The following SLC46A2 variants were observed in gnomAD, a reference collection of about 807,000 sequenced individuals.
The protein encoded by SLC46A2 is solute carrier family 46 member 2.
SLC46A2 carries 25 observed loss-of-function variants against 33.1 expected under a neutral mutation model. The ratio of observed to expected loss-of-function variants is 0.76; its 90% CI spans 0.55 to 1.06. The LOEUF is 1.06. SLC46A2 is among the 50% of genes least tolerant of loss of function. SLC46A2 has a pLI of 0.00. For synonymous variants in SLC46A2, 254 were observed against 275.9 expected (o/e 0.92, Z 0.79); for missense variants, 622 against 621.7 (o/e 1.00, Z 0.00).
At position 112,890,013 on chromosome 9, in the gene SLC46A2, GC is replaced by G; in HGVS notation, c.668del (p.Ser223ThrfsTer5). 2 of 1,614,106 alleles carry G rather than the reference GC, an allele frequency of 1.2e-6. No homozygotes were observed. Among genetic ancestry groups the G allele is most frequent in the South Asian group, 2.2e-5 (2 of 91,082 alleles). ...ACTCAGGGACCTTTAGCACCAAAAGGCTGTAGAGCAGGGCAAACGAGGCACA... is the reference window on the plus strand; with the variant it reads ...ACTCAGGGACCTTTAGCACCAAAAGGTGTAGAGCAGGGCAAACGAGGCACA... ...VSCASFALLYSLLVLKVPESV... is the reference protein window; with the variant it reads ...VSCASFALLYXLLVLKVPESV... On this transcript the variant is annotated frameshift_variant, in exon 1 of 4. Transcript: ENST00000374228. LOFTEE classifies it high-confidence loss of function. This position sits in a 1 kb window ranked among gnomAD's most constrained non-coding sequence, Gnocchi z 6.0.
chr9:112,889,955 C>G lies in SLC46A2; in HGVS notation c.727G>C (p.Val243Leu), dbSNP rs372621524. The change falls in exon 1 of 4, where the codon GTG becomes CTG. Residue 243 changes from valine to leucine, a missense_variant. By Grantham distance (32) the Val-to-Leu change is conservative. Transcript: ENST00000374228. ...CCAACCGTGCCAGACACGGTATCCA[C>G]GGCGGGGAGCTCCTGGCTGGGTTTG... is the stretch of plus-strand genomic sequence containing the variant. ...VAKPSQELPA[V>L]DTVSGTVGTY... The G allele has an allele frequency of 5.6e-6, 9 of 1,614,076 alleles. No homozygotes were observed. Among genetic ancestry groups the G allele is most frequent in the South Asian group, 1.1e-5 (1 of 91,090 alleles).
At chr9:112,887,907 G>C (rs1482028767) in intron 1 of SLC46A2, among the ~76,000 whole-genome samples, 1 of 149,532 alleles carries the variant, frequency 6.7e-6, no homozygotes, top group East Asian at 2.0e-4. Flanking sequence ...TGATTATCCA[G>C]ATGCAGTGTG....
rs1827218320 is a variant in SLC46A2 at position 112,890,672 on chromosome 9, C to T, written c.10G>A (p.Glu4Lys). The change falls in exon 1 of 4, where the codon GAG (glutamate) becomes AAG (lysine). Residue 4 changes from glutamate to lysine, a missense_variant. Transcript: ENST00000374228. This position sits in a 1 kb window ranked among gnomAD's most constrained non-coding sequence, Gnocchi z 6.0. ...TGGCCCCTCCGCGGGCAGGTGACCTCGGGGCTCATGTGACCTCTCTGATGG... is the reference window on the plus strand; with the variant it reads ...TGGCCCCTCCGCGGGCAGGTGACCTTGGGGCTCATGTGACCTCTCTGATGG... MSP[E>K]VTCPRRGHLP... The T allele has an allele frequency of 1.3e-6, 2 of 1,596,318 alleles. No individual in the cohort carries two copies. The highest frequency in any genetic ancestry group is 1.1e-5 in the South Asian group (1 of 90,800).
intron 1 of SLC46A2, 31 bp downstream of exon 1, chr9:112,889,522 T>C (rs747881413): frequency 6.4e-7 from 1 of 1,571,632 alleles, no homozygotes; most frequent in African/African-American, 1.4e-5. Flanking sequence ...GGGCTAGCAA[T>C]GTCCTGCCTC....
intron 3 of SLC46A2, 50 bp downstream of exon 3, chr9:112,886,410 C>T: frequency 6.2e-7 from 1 of 1,601,156 alleles, no homozygotes; most frequent in Non-Finnish European, 8.6e-7. Flanking sequence ...CATTCCTTGA[C>T]CTAAGCATCA....
chr9:112,886,718 C>G (rs915477634), intron 2 of SLC46A2, 102 bp from the exon 3 acceptor site: 15 of 531,364 alleles, frequency 2.8e-5, no homozygotes, highest in Non-Finnish European at 4.2e-5. Context: ...TTCCTTCTTA[C>G]TCTCTCTCTC....
intron 3 of SLC46A2, among the ~76,000 whole-genome samples, chr9:112,883,700 C>CTTT (rs71384287): frequency 1.4e-3 from 173 of 121,336 alleles, no homozygotes; most frequent in African/African-American, 5.1e-3. Flanking sequence ...TTTTTCTTTT[C>CTTT]TTTTTTTTTT....
At position 112,890,346 on chromosome 9, in the gene SLC46A2, C is replaced by T. The variant is rs1181992333; in HGVS notation, c.336G>A (p.Ser112=). 2 of 1,613,996 alleles carry T rather than the reference C, an allele frequency of 1.2e-6. No individual in the cohort carries two copies. The highest frequency in any genetic ancestry group is 1.1e-5 in the South Asian group (1 of 91,078). ...RYHRKISICM[S]LLGFLLSRLG... Reference sequence around the variant, plus strand: ...GGCGGGAGAGCAGGAAGCCCAGCAGCGACATGCAGATGGAGATCTTTCGGT... The same window carrying T: ...GGCGGGAGAGCAGGAAGCCCAGCAGTGACATGCAGATGGAGATCTTTCGGT... The change falls in exon 1 of 4, where the codon TCG becomes TCA. Residue 112 remains serine, a synonymous_variant. Coordinates refer to ENST00000374228, the MANE Select transcript of SLC46A2 (RefSeq NM_033051.4). The surrounding 1 kb of genome is among the most constrained non-coding windows in gnomAD (Gnocchi z 6.0).
intron 3 of SLC46A2, 120 bp from the exon 4 acceptor site, chr9:112,879,939 A>G (rs992664493): frequency 1.1e-6 from 1 of 871,056 alleles, no homozygotes; most frequent in South Asian, 1.5e-5. Flanking sequence ...ATAGGTAGGC[A>G]TTGACCAAGG....
At chr9:112,882,548 T>C (rs1249230254) in intron 3 of SLC46A2, among the ~76,000 whole-genome samples, 3 of 152,158 alleles carry the variant, frequency 2.0e-5, no homozygotes, top group Non-Finnish European at 4.4e-5. Flanking sequence ...CAAGAGTGGC[T>C]GTATGGAGAA....
intron 3 of SLC46A2, chr9:112,885,537 A>G (rs2131544707): frequency 6.6e-6 from 1 of 152,174 alleles, no homozygotes; most frequent in Non-Finnish European, 1.5e-5. Flanking sequence ...CTAACAGTCT[A>G]AAGAGAACAG....
In SLC46A2 at chr9:112,889,885, G is replaced by A; in HGVS notation, c.797C>T (p.Ala266Val). The change falls in exon 1 of 4, where the codon GCA (alanine) becomes GTA (valine). Residue 266 changes from alanine to valine, a missense_variant. Ala to Val is a moderately conservative substitution (Grantham distance 64). Coordinates refer to ENST00000374228, the MANE Select transcript of SLC46A2 (RefSeq NM_033051.4). ...TCCAGGAGATGGAGGGTGCCCCACT[G>A]CATACTGTTGGTCCAACTGATCAGG... is the stretch of plus-strand genomic sequence containing the variant. ...LDPDQLDQQY[A>V]VGHPPSPGKA... 1.2e-6 allele frequency: 2 copies of A among 1,614,244 alleles called. No individual in the cohort carries two copies. The highest frequency in any genetic ancestry group is 1.1e-5 in the South Asian group (1 of 91,088).
In SLC46A2 at chr9:112,890,639, G is replaced by C. The variant is rs1372343319; in HGVS notation, c.43C>G (p.Arg15Gly). 1.9e-6 allele frequency: 3 copies of C among 1,601,622 alleles called. No homozygotes were observed. Among genetic ancestry groups the C allele is most frequent in the Admixed American group, 3.3e-5 (2 of 60,000 alleles). Residue 15 changes from arginine (R) to glycine (G), a missense_variant, in exon 1 of 4, where the codon CGC (arginine) becomes GGC (glycine). Transcript: ENST00000374228. The surrounding 1 kb of genome is among the most constrained non-coding windows in gnomAD (Gnocchi z 6.0). ...VTCPRRGHLP[R>G]FHPRTWVEPV... ...TCAACCCAGGTCCTCGGGTGGAAGC[G>C]AGGCAGGTGGCCCCTCCGCGGGCAG...
At chr9:112,884,415 C>A (rs1181072344) in intron 3 of SLC46A2, among the ~76,000 whole-genome samples, 1 of 152,214 alleles carries the variant, frequency 6.6e-6, no homozygotes, top group African/African-American at 2.4e-5. Flanking sequence ...ACAGCCTTGG[C>A]CCCTCCTAGC....
At position 112,889,648 on chromosome 9, in the gene SLC46A2, A is replaced by G. The variant is rs1288254492; in HGVS notation, c.1034T>C (p.Phe345Ser). The G allele has an allele frequency of 6.2e-7, 1 of 1,614,040 alleles. No homozygotes were observed. Among genetic ancestry groups the G allele is most frequent in the Non-Finnish European group, 8.5e-7 (1 of 1,180,024 alleles). The change falls in exon 1 of 4, where the codon TTT becomes TCT. Residue 345 changes from phenylalanine to serine, a missense_variant. By Grantham distance (155) the Phe-to-Ser change is radical. Transcript: ENST00000374228. Reference protein sequence around the residue: ...FLGVLVFSRCFRDTTMIMIGM... With the variant: ...FLGVLVFSRCSRDTTMIMIGM... ...AATCATGATCATGGTGGTGTCCCGA[A>G]AGCAGCGGGAGAAGACCAGGACACC...
At chr9:112,879,970 C>A (rs929299709) in intron 3 of SLC46A2, 151 bp from the exon 4 acceptor site, 1 of 598,120 alleles carries the variant, frequency 1.7e-6, no homozygotes, top group Non-Finnish European at 3.0e-6. Context: ...CACTGTGACC[C>A]ATCTCCCTGC....
intron 2 of SLC46A2, among the ~76,000 whole-genome samples, 175 bp downstream of exon 2, chr9:112,887,155 T>C (rs1266811580): frequency 1.3e-5 from 2 of 152,146 alleles, no homozygotes; most frequent in Non-Finnish European, 2.9e-5. Context: ...ACTTTCTAAG[T>C]CACTCCTATA....
rs780793473 is a variant in SLC46A2, at chr9:112,889,599, T to C, written c.1083A>G (p.Gly361=). 102 of 1,613,930 alleles carry C rather than the reference T, an allele frequency of 6.3e-5. No homozygotes were observed. The South Asian group carries it at 1.1e-3, about 17-fold the overall frequency. ...IMIGMVSFGS[G]ALLLAFVKET... ...CTTTCACAAAAGCCAAGAGGAGGGC[T>C]CCTGACCCAAAGGAGACCATCCCAA... Residue 361 remains glycine, a synonymous_variant, in exon 1 of 4, where the codon GGA becomes GGG. Transcript: ENST00000374228.
chr9:112,885,484 G>A (rs898593160), intron 3 of SLC46A2: 4 of 151,482 alleles, frequency 2.6e-5, no homozygotes, highest in African/African-American at 9.7e-5. Flanking sequence ...AGCAGTGGTA[G>A]GAGCATGAGA....
Sources: allele counts gnomAD v4.1 joint callset (sites outside exome capture counted in the v4.1 genomes callset), GRCh38; gene constraint gnomAD v4.1.1; non-coding constraint Gnocchi (gnomAD v3.1); transcripts MANE v1.5; gene names NCBI Gene and HGNC (gene_info 2026-07-23, HGNC 2026-07-21).